Variants in ST6GALNAC5 observed in about 807,000 individuals in gnomAD.
ST6GALNAC5 encodes the protein ST6 N-acetylgalactosaminide alpha-2,6-sialyltransferase 5.
ST6GALNAC5 carries 27 observed loss-of-function variants against 33.6 expected under a neutral mutation model. The observed-to-expected ratio is 0.80, with a 90% CI of 0.59 to 1.11. The LOEUF (loss-of-function observed/expected upper bound fraction) is 1.11, where lower values mean the gene tolerates loss of function less well. ST6GALNAC5 is among the 50% of genes least tolerant of loss of function. ST6GALNAC5 has a pLI of 0.00. For synonymous variants in ST6GALNAC5, 194 were observed against 171.2 expected, an observed-to-expected ratio of 1.13 and a Z score of -1.04; for missense variants, 428 against 454.0, an observed-to-expected ratio of 0.94 and a Z score of 0.52.
intron 2 of ST6GALNAC5, among the ~76,000 whole-genome samples, chr1:77,015,007 G>A (rs1337087794): frequency 2.0e-5 from 3 of 150,832 alleles, no homozygotes; most frequent in Non-Finnish European, 4.4e-5. Context: ...GGTATTAGTC[G>A]GAATTCTCCA....
chr1:77,046,276 T>C (rs1652006502), intron 3 of ST6GALNAC5, among the ~76,000 whole-genome samples: 2 of 152,192 alleles, frequency 1.3e-5, no homozygotes, highest in African/African-American at 4.8e-5. Flanking sequence ...TAAAGTGATA[T>C]GATAAATGCA....
chr1:76,869,236 C>G (rs1190083549), intron 2 of ST6GALNAC5, among the ~76,000 whole-genome samples: 1 of 152,178 alleles, frequency 6.6e-6, no homozygotes, highest in African/African-American at 2.4e-5. Context: ...GGGCTGAATT[C>G]TCTCAGCCCT....
rs756425973 is a variant in ST6GALNAC5, at chr1:77,050,346, G to A, written c.760G>A (p.Val254Met). Residue 254 changes from valine (V) to methionine (M), a missense_variant, in exon 4 of 5, where the codon GTG becomes ATG. Val to Met is a conservative substitution (Grantham distance 21). Transcript: ENST00000477717. Reference sequence around the variant, plus strand: ...TGACAGGATCAATGTTTATGGCATGGTGCCCCCAGACTTCTGCAGGTAGGA... The same window carrying A: ...TGACAGGATCAATGTTTATGGCATGATGCCCCCAGACTTCTGCAGGTAGGA... ...LCDRINVYGM[V>M]PPDFCRDPNH... 1 of 1,613,926 alleles carries A rather than the reference G, an allele frequency of 6.2e-7. No homozygotes were observed.
intron 2 of ST6GALNAC5, among the ~76,000 whole-genome samples, chr1:76,996,199 A>G (rs1424399856): frequency 6.6e-6 from 1 of 152,112 alleles, no homozygotes; most frequent in Non-Finnish European, 1.5e-5. Context: ...CTGTCTTCTA[A>G]CCCTTAGCCA....
intron 2 of ST6GALNAC5, among the ~76,000 whole-genome samples, chr1:76,918,335 C>T (rs1266987104): frequency 1.3e-5 from 2 of 151,962 alleles, no homozygotes; most frequent in Non-Finnish European, 2.9e-5. Context: ...GAATGAGGCT[C>T]CAGGCCAGGC....
intron 2 of ST6GALNAC5, among the ~76,000 whole-genome samples, chr1:76,965,345 C>A (rs1357754175): frequency 6.6e-6 from 1 of 152,108 alleles, no homozygotes; most frequent in Non-Finnish European, 1.5e-5. Flanking sequence ...TTTTGATTTG[C>A]GTTTCTCTGA....
chr1:76,868,654 C>G lies in ST6GALNAC5; in HGVS notation c.173C>G (p.Pro58Arg), dbSNP rs759767889. 1.5e-5 allele frequency: 24 copies of G among 1,596,934 alleles called. No homozygotes were observed. The highest frequency in any genetic ancestry group is 2.0e-5 in the Non-Finnish European group (23 of 1,171,176). The change falls in exon 2 of 5, where the codon CCG (proline) becomes CGG (arginine). Residue 58 changes from proline to arginine, a missense_variant. Transcript: ENST00000477717. This position sits in a 1 kb window ranked among gnomAD's most constrained non-coding sequence, Gnocchi z 4.3. ...QQASATGSSQ[P>R]AAESSTQQRP... ...GCGTCGGCCACCGGCAGCTCGCAGCCGGCGGCGGAGAGCAGCACCCAGCAG... is the reference window on the plus strand; with the variant it reads ...GCGTCGGCCACCGGCAGCTCGCAGCGGGCGGCGGAGAGCAGCACCCAGCAG...
chr1:76,882,885 C>T (rs1238248911), intron 2 of ST6GALNAC5, among the ~76,000 whole-genome samples: 1 of 152,218 alleles, frequency 6.6e-6, no homozygotes, highest in East Asian at 1.9e-4. Flanking sequence ...CTACCCCCAC[C>T]ACTGCCCTCA....
chr1:76,993,001 A>T (rs550187428), intron 2 of ST6GALNAC5, among the ~76,000 whole-genome samples: 1 of 152,262 alleles, frequency 6.6e-6, no homozygotes, highest in East Asian at 1.9e-4. Flanking sequence ...CATGGAAATC[A>T]GTTTTCCTTT....
chr1:76,974,773 CTTTT>C (rs60357939), intron 2 of ST6GALNAC5, among the ~76,000 whole-genome samples: 317 of 35,228 alleles, frequency 9.0e-3, no homozygotes, highest in Admixed American at 0.01. Context: ...TTCTTTCTTT[CTTTT>C]TTTTTTTTTT....
chr1:76,969,724 C>T (rs1648660599), intron 2 of ST6GALNAC5, among the ~76,000 whole-genome samples: 1 of 152,210 alleles, frequency 6.6e-6, no homozygotes, highest in African/African-American at 2.4e-5. Context: ...ACTGCCTCCT[C>T]AAGTGGGTCC....
chr1:76,989,416 T>G (rs1649635662), intron 2 of ST6GALNAC5, among the ~76,000 whole-genome samples: 1 of 152,144 alleles, frequency 6.6e-6, no homozygotes, highest in African/African-American at 2.4e-5. Context: ...AGGTGATCAC[T>G]TTAATTTGAA....
intron 2 of ST6GALNAC5, among the ~76,000 whole-genome samples, chr1:77,007,239 T>C (rs1650457891): frequency 6.6e-6 from 1 of 152,210 alleles, no homozygotes; most frequent in South Asian, 2.1e-4. Flanking sequence ...CAGGGTTATC[T>C]GAAAACTTTC....
chr1:77,054,954 T>C (rs1322132460), intron 4 of ST6GALNAC5, among the ~76,000 whole-genome samples: 1 of 152,162 alleles, frequency 6.6e-6, no homozygotes, highest in Non-Finnish European at 1.5e-5. Flanking sequence ...ACATATCTCA[T>C]TCAAGATCTG....
intron 4 of ST6GALNAC5, among the ~76,000 whole-genome samples, chr1:77,056,299 T>G (rs1341300601): frequency 6.6e-6 from 1 of 152,226 alleles, no homozygotes; most frequent in South Asian, 2.1e-4. Context: ...CCAAACTAAG[T>G]TATGCTAAGT....
At chr1:77,031,714 A>G (rs1651462351) in intron 2 of ST6GALNAC5, among the ~76,000 whole-genome samples, 1 of 152,206 alleles carries the variant, frequency 6.6e-6, no homozygotes, top group Admixed American at 6.5e-5. Context: ...CCTGGGAGAG[A>G]CTATCACTCT....
intron 2 of ST6GALNAC5, among the ~76,000 whole-genome samples, chr1:76,902,486 G>A (rs1463470917): frequency 1.3e-5 from 2 of 152,002 alleles, no homozygotes; most frequent in Non-Finnish European, 2.9e-5. Flanking sequence ...GTTGCAACTG[G>A]GATTCTCTAG....
At chr1:76,947,036 G>T (rs1319541410) in intron 2 of ST6GALNAC5, among the ~76,000 whole-genome samples, 1 of 152,042 alleles carries the variant, frequency 6.6e-6, no homozygotes, top group Non-Finnish European at 1.5e-5. Flanking sequence ...CTGGGTGGGT[G>T]ACAATTCAAA....
intron 2 of ST6GALNAC5, among the ~76,000 whole-genome samples, chr1:76,936,284 A>G (rs948733150): frequency 1.3e-5 from 2 of 152,052 alleles, no homozygotes; most frequent in African/African-American, 4.8e-5. Flanking sequence ...CAATTAAGGT[A>G]TTATGCCTTT....
Sources: gnomAD v4.1 joint callset for allele counts (sites outside exome capture counted in the v4.1 genomes callset) on GRCh38, gnomAD v4.1.1 for gene constraint, Gnocchi (gnomAD v3.1) non-coding constraint, MANE v1.5 for transcripts, NCBI Gene and HGNC (gene_info 2026-07-23, HGNC 2026-07-21) for gene names.